Variants in RBFOX3 observed in about 807,000 individuals in gnomAD.
RBFOX3 encodes the protein RNA binding fox-1 homolog 3, also known as RNA binding protein fox-1 homolog 3.
RBFOX3 carries 17 observed loss-of-function variants against 48.7 expected under a neutral mutation model. The observed-to-expected ratio is 0.35, with a 90% CI of 0.24 to 0.52. The LOEUF is 0.52. RBFOX3 is among the 20% of genes least tolerant of loss of function. The pLI, the probability that RBFOX3 is intolerant of heterozygous loss-of-function variation, is 0.94. For synonymous variants in RBFOX3, 212 were observed against 209.5 expected, an observed-to-expected ratio of 1.01 and a Z score of -0.10; for missense variants, 382 against 497.5, an observed-to-expected ratio of 0.77 and a Z score of 2.21.
the RBFOX3 span, among the ~76,000 whole-genome samples, chr17:79,627,620 G>T: frequency 6.6e-6 from 1 of 152,218 alleles, no homozygotes; most frequent in Non-Finnish European, 1.5e-5. Flanking sequence ...GACCCAAGCA[G>T]CCTGGTGCCT....
intron 1 of RBFOX3, among the ~76,000 whole-genome samples, chr17:79,499,127 T>A (rs536391778): frequency 6.7e-6 from 1 of 149,090 alleles, no homozygotes; most frequent in Non-Finnish European, 1.5e-5. Flanking sequence ...CATCCATCCA[T>A]CCACCCACCC....
At chr17:79,498,572 TC>T (rs1271399157) in intron 1 of RBFOX3, among the ~76,000 whole-genome samples, 12 of 138,846 alleles carry the variant, frequency 8.6e-5, no homozygotes, top group Admixed American at 1.5e-4. Flanking sequence ...CACCTATCCT[TC>T]CCCCCACCCC....
intron 2 of RBFOX3, among the ~76,000 whole-genome samples, chr17:79,416,669 A>C (rs1598601075): frequency 6.6e-6 from 1 of 151,832 alleles, no homozygotes; most frequent in East Asian, 1.9e-4. Flanking sequence ...CCTCCCCCGC[A>C]CCCACCCCTC....
chr17:79,097,332 G>A lies in RBFOX3; in HGVS notation c.715C>T (p.Arg239Trp). The change falls in exon 11 of 15, where the codon CGG becomes TGG. Residue 239 changes from arginine (R) to tryptophan (W), a missense_variant. This residue lies in a region of RBFOX3 where 215 missense variants were observed against 254.8 expected (regional missense o/e 0.84). Transcript: ENST00000693108. ...GRGRAVYNTF[R>W]AAPPPPPIPT... The stretch of plus-strand genomic sequence containing the variant: ...ATGGGGGGTGGGGGTGGCGCAGCCC[G>A]AAATGTATTATACACGGCCCGGCCC... 1 of 1,546,900 alleles carries A rather than the reference G, an allele frequency of 6.5e-7. No individual in the cohort carries two copies. The highest frequency in any genetic ancestry group is 8.7e-7 in the Non-Finnish European group (1 of 1,144,884).
chr17:79,362,462 G>A lies in RBFOX3; in HGVS notation c.-174-54638C>T, dbSNP rs1308875433. Among the ~76,000 whole-genome samples, 1 of 152,004 alleles carries A rather than the reference G, an allele frequency of 6.6e-6. No homozygotes were observed. Among genetic ancestry groups the A allele is most frequent in the East Asian group, 1.9e-4 (1 of 5,162 alleles). On this transcript the variant is annotated intron_variant, in intron 2 of 14. Transcript: ENST00000693108. The surrounding 1 kb of genome is among the most constrained non-coding windows in gnomAD (Gnocchi z 4.2). ...GACCAGGGGGTGGGGGTGGCGGTGGGCGTGGAAGGCCACCTGCGCTGGGCC... is the reference window on the plus strand; with the variant it reads ...GACCAGGGGGTGGGGGTGGCGGTGGACGTGGAAGGCCACCTGCGCTGGGCC...
chr17:79,640,358 T>C, the RBFOX3 span, among the ~76,000 whole-genome samples: 1 of 152,168 alleles, frequency 6.6e-6, no homozygotes, highest in Admixed American at 6.5e-5. Flanking sequence ...ATAATTAATA[T>C]AGTTAAAATG....
chr17:79,659,644 G>A, the RBFOX3 span, among the ~76,000 whole-genome samples: 15 of 152,164 alleles, frequency 9.9e-5, no homozygotes, highest in African/African-American at 3.6e-4. Context: ...CCCAGAGACT[G>A]ATCCAGTGAT....
At chr17:79,438,767 C>T (rs1048093490) in intron 2 of RBFOX3, among the ~76,000 whole-genome samples, 12 of 152,242 alleles carry the variant, frequency 7.9e-5, no homozygotes, top group African/African-American at 2.9e-4. Flanking sequence ...CGGCCATGAC[C>T]ATCACCTGCG....
chr17:79,209,116 G>C (rs2057994930), intron 4 of RBFOX3, among the ~76,000 whole-genome samples: 1 of 151,990 alleles, frequency 6.6e-6, no homozygotes, highest in African/African-American at 2.4e-5. Context: ...ACCACGCCCG[G>C]CCCCTGGCTG....
intron 3 of RBFOX3, among the ~76,000 whole-genome samples, chr17:79,283,115 G>A (rs1190528263): frequency 6.6e-6 from 1 of 152,162 alleles, no homozygotes; most frequent in African/African-American, 2.4e-5. Context: ...GAAAACGCTT[G>A]CTAAAGCCAT....
intron 1 of RBFOX3, among the ~76,000 whole-genome samples, chr17:79,576,526 T>C (rs1244362719): frequency 1.3e-5 from 2 of 151,378 alleles, no homozygotes; most frequent in Non-Finnish European, 2.9e-5. Context: ...ATGAAGAAGA[T>C]GGAGATCATG....
intron 2 of RBFOX3, among the ~76,000 whole-genome samples, chr17:79,449,902 T>A (rs1555740509): frequency 3.9e-5 from 6 of 152,154 alleles, no homozygotes; most frequent in Non-Finnish European, 7.3e-5. Context: ...CATATTTCCA[T>A]CTTCCAGCCA....
At chr17:79,117,512 C>T (rs569069423) in intron 4 of RBFOX3, among the ~76,000 whole-genome samples, 32 of 152,338 alleles carry the variant, frequency 2.1e-4, no homozygotes, top group African/African-American at 6.5e-4. Context: ...CCCCGCAGGG[C>T]GGTCTTTCTC....
chr17:79,485,884 C>T (rs951278649), intron 1 of RBFOX3, among the ~76,000 whole-genome samples: 3 of 152,348 alleles, frequency 2.0e-5, no homozygotes, highest in East Asian at 1.9e-4. Flanking sequence ...TGTTTTGACC[C>T]GAGCTGAGTG....
chr17:79,287,498 T>C (rs1024994662), intron 3 of RBFOX3, among the ~76,000 whole-genome samples: 11 of 152,202 alleles, frequency 7.2e-5, no homozygotes, highest in Non-Finnish European at 1.5e-5. Flanking sequence ...CCCTTGCTGC[T>C]GTCCAGGAGC....
At position 79,198,929 on chromosome 17, in the gene RBFOX3, G is replaced by A. The variant is rs967138112; in HGVS notation, c.-34+36837C>T. The stretch of plus-strand genomic sequence containing the variant: ...CAGGTGTGAGCCACTGCACCTGGCC[G>A]AGCTTTTTGATGCCTAATATTCTAC... On this transcript the variant is annotated intron_variant, in intron 4 of 14. Transcript: ENST00000693108. The surrounding 1 kb of genome is among the most constrained non-coding windows in gnomAD (Gnocchi z 8.2). 8.5e-5 allele frequency among the ~76,000 whole-genome samples: 13 copies of A among 152,152 alleles called. No individual in the cohort carries two copies. Among genetic ancestry groups the A allele is most frequent in the East Asian group, 1.9e-4 (1 of 5,170 alleles).
intron 14 of RBFOX3, chr17:79,092,123 G>A: frequency 1.0e-6 from 1 of 985,480 alleles, no homozygotes; most frequent in Non-Finnish European, 1.2e-6. Context: ...GGACACTAGG[G>A]CCATGGCACG....
chr17:79,659,460 G>T, the RBFOX3 span, among the ~76,000 whole-genome samples: 3 of 152,050 alleles, frequency 2.0e-5, no homozygotes, highest in Admixed American at 2.0e-4. Flanking sequence ...AGACTGGGGC[G>T]GGAAAGCACC....
chr17:79,423,061 C>T lies in RBFOX3; in HGVS notation c.-175+59393G>A, dbSNP rs1412909407. Reference sequence around the variant, plus strand: ...CCCTGCGACGGGACTTCGGGTGCCCCGTGTGCCACGAACTCCCCTCTTTCT... The same window carrying T: ...CCCTGCGACGGGACTTCGGGTGCCCTGTGTGCCACGAACTCCCCTCTTTCT... On this transcript the variant is annotated intron_variant, in intron 2 of 14. Coordinates refer to ENST00000693108, the MANE Select transcript of RBFOX3 (RefSeq NM_001350451.2). The surrounding 1 kb of genome is among the most constrained non-coding windows in gnomAD (Gnocchi z 4.9). 3.3e-5 allele frequency among the ~76,000 whole-genome samples: 5 copies of T among 152,180 alleles called. No homozygotes were observed. Among genetic ancestry groups the T allele is most frequent in the Admixed American group, 1.3e-4 (2 of 15,286 alleles).
Sources: allele counts gnomAD v4.1 joint callset (sites outside exome capture counted in the v4.1 genomes callset), GRCh38; gene constraint gnomAD v4.1.1; regional missense constraint gnomAD v4.1.1; non-coding constraint Gnocchi (gnomAD v3.1); transcripts MANE v1.5; gene names NCBI Gene and HGNC (gene_info 2026-07-23, HGNC 2026-07-21).